Variants in RBFOX1 observed in about 807,000 individuals in gnomAD.
The protein encoded by RBFOX1 is RNA binding protein fox-1 homolog 1.
In RBFOX1, 8 loss-of-function variants were observed where a neutral mutation model predicts 57.7. The ratio of observed to expected loss-of-function variants is 0.14; its 90% CI spans 0.08 to 0.25. RBFOX1 has a LOEUF of 0.25. RBFOX1 is among the 10% of genes least tolerant of loss of function. The pLI, the probability that RBFOX1 is intolerant of heterozygous loss-of-function variation, is 1.00. For synonymous variants in RBFOX1, 326 were observed against 222.4 expected, an observed-to-expected ratio of 1.47 and a Z score of -4.15; for missense variants, 611 against 548.5, an observed-to-expected ratio of 1.11 and a Z score of -1.14.
chr16:7,063,737 C>A (rs972608167), intron 4 of RBFOX1, among the ~76,000 whole-genome samples: 1 of 152,196 alleles, frequency 6.6e-6, no homozygotes, highest in East Asian at 1.9e-4. Context: ...TGGGTCTGCA[C>A]GGAACATGTG....
rs879898472 is a variant in RBFOX1, at chr16:7,460,370, A to AATATATATATATATATATATATAT, written c.28-57757_28-57756insATATATATATATATATATATATAT. Reference sequence around the variant, plus strand: ...ATGATTTGCCTTAATCATTTAGCAAAATATATATATATATATATATGTGTG... The same window carrying AATATATATATATATATATATATAT: ...ATGATTTGCCTTAATCATTTAGCAAAATATATATATATATATATATATATATATATATATATATATATATGTGTG... On this transcript the variant is annotated intron_variant, in intron 4 of 15. Transcript: ENST00000550418. Among the ~76,000 whole-genome samples, 112 of 75,778 alleles carry AATATATATATATATATATATATAT rather than the reference A, an allele frequency of 1.5e-3. 2 individuals carry two copies. The highest frequency in any genetic ancestry group is 3.1e-3 in the East Asian group (6 of 1,962). 49.7% of individuals were successfully genotyped at this position (75,778 alleles called of 152,430 possible).
chr16:6,431,904 TC>T (rs1446644235), intron 2 of RBFOX1, among the ~76,000 whole-genome samples: 3 of 83,488 alleles, frequency 3.6e-5, no homozygotes, highest in Admixed American at 1.2e-4. Context: ...TTGCTTTCTT[TC>T]TTTCTTTCTT....
chr16:6,606,380 G>A (rs999917935), intron 2 of RBFOX1, among the ~76,000 whole-genome samples: 31 of 152,258 alleles, frequency 2.0e-4, no homozygotes, highest in African/African-American at 6.3e-4. Flanking sequence ...AAAATTTTAT[G>A]TTCTGGGGTA....
intron 3 of RBFOX1, among the ~76,000 whole-genome samples, chr16:5,667,863 G>C (rs368139303): frequency 6.6e-6 from 1 of 152,182 alleles, no homozygotes; most frequent in Non-Finnish European, 1.5e-5. Flanking sequence ...GTGAAGTGGG[G>C]ATGAGCTTAT....
intron 11 of RBFOX1, among the ~76,000 whole-genome samples, chr16:7,650,136 A>G (rs2064698389): frequency 1.3e-5 from 2 of 152,146 alleles, no homozygotes; most frequent in South Asian, 4.2e-4. Flanking sequence ...AATGTAAGAA[A>G]GAAAGGAATG....
chr16:7,528,548 G>T (rs886214803), intron 5 of RBFOX1, among the ~76,000 whole-genome samples: 11 of 152,094 alleles, frequency 7.2e-5, no homozygotes, highest in Non-Finnish European at 1.5e-5. Flanking sequence ...CACCATCTTA[G>T]TTCACTGCAG....
intron 1 of RBFOX1, among the ~76,000 whole-genome samples, chr16:5,358,330 G>T (rs2065450945): frequency 7.1e-6 from 1 of 139,912 alleles, no homozygotes; most frequent in Non-Finnish European, 1.5e-5. Context: ...ATCTTTTTAT[G>T]CCTGCATATT....
downstream of RBFOX1, among the ~76,000 whole-genome samples, chr16:5,602,490 G>C (rs887720792): frequency 8.5e-5 from 13 of 152,136 alleles, no homozygotes; most frequent in African/African-American, 3.1e-4. Flanking sequence ...TTTGTGGTGA[G>C]GATTTATGTT....
intron 2 of RBFOX1, among the ~76,000 whole-genome samples, chr16:6,513,498 T>C (rs3095265): frequency 0.84 from 128,108 of 152,090 alleles, 54,704 homozygotes; most frequent in Non-Finnish European, 0.92. Context: ...CTTTGGGAGG[T>C]CGAGGCAGGC....
At chr16:5,746,468 C>G (rs1261756703) in intron 3 of RBFOX1, among the ~76,000 whole-genome samples, 1 of 152,178 alleles carries the variant, frequency 6.6e-6, no homozygotes, top group Non-Finnish European at 1.5e-5. Context: ...TTTTCCAATT[C>G]TGTGAAGAAA....
intron 1 of RBFOX1, among the ~76,000 whole-genome samples, chr16:5,250,079 A>C (rs573547995): frequency 1.3e-5 from 2 of 151,674 alleles, no homozygotes; most frequent in African/African-American, 4.8e-5. Flanking sequence ...CAGTGAGCCG[A>C]GATTGTGTCC....
At chr16:6,827,203 T>A (rs950496480) in intron 3 of RBFOX1, among the ~76,000 whole-genome samples, 2 of 31,638 alleles carry the variant, frequency 6.3e-5, no homozygotes, top group Admixed American at 3.9e-4. Flanking sequence ...TAGAGGTGTG[T>A]TTTTTTTTTT....
chr16:6,057,635 A>G (rs1030134227), intron 1 of RBFOX1, among the ~76,000 whole-genome samples: 2 of 152,084 alleles, frequency 1.3e-5, no homozygotes, highest in African/African-American at 4.8e-5. Context: ...AAGGATGTAT[A>G]TTGTTTCTCT....
At chr16:7,416,127 C>A (rs1252943666) in intron 4 of RBFOX1, among the ~76,000 whole-genome samples, 1 of 152,148 alleles carries the variant, frequency 6.6e-6, no homozygotes, top group Non-Finnish European at 1.5e-5. Flanking sequence ...TTTTGTATTC[C>A]ATGGAGCTGT....
chr16:7,602,463 T>C (rs986981345), intron 9 of RBFOX1, among the ~76,000 whole-genome samples: 49 of 152,302 alleles, frequency 3.2e-4, no homozygotes, highest in South Asian at 8.3e-4. Context: ...TTCAGTTTAA[T>C]GTCCTTGATC....
chr16:6,474,347 A>G (rs1250157584), intron 2 of RBFOX1, among the ~76,000 whole-genome samples: 1 of 152,212 alleles, frequency 6.6e-6, no homozygotes, highest in African/African-American at 2.4e-5. Flanking sequence ...GCTATAACAC[A>G]GTGAAGAGGA....
At chr16:7,055,706 T>A (rs1371858255) in intron 4 of RBFOX1, among the ~76,000 whole-genome samples, 1 of 152,220 alleles carries the variant, frequency 6.6e-6, no homozygotes, top group African/African-American at 2.4e-5. Context: ...ATGATTCATT[T>A]GCAGCATCAG....
At position 7,497,601 on chromosome 16, in the gene RBFOX1, T is replaced by G. The variant is rs1324139592; in HGVS notation, c.28-20546T>G. On this transcript the variant is annotated intron_variant, in intron 4 of 15. Coordinates refer to ENST00000550418, the MANE Select transcript of RBFOX1 (RefSeq NM_018723.4). The stretch of plus-strand genomic sequence containing the variant: ...TATTAATGCAAAAACAAATGCTTAT[T>G]GTGAACCTACTGGGGACCAGACACA... 2.6e-5 allele frequency among the ~76,000 whole-genome samples: 4 copies of G among 152,236 alleles called. No homozygotes were observed. In the East Asian group the frequency reaches 7.7e-4, roughly 29 times the overall value.
At chr16:6,681,388 G>A (rs966173515) in intron 3 of RBFOX1, among the ~76,000 whole-genome samples, 1 of 152,166 alleles carries the variant, frequency 6.6e-6, no homozygotes, top group Admixed American at 6.5e-5. Context: ...AAAAAGTTTG[G>A]TATCTTGGTA....
Sources: gnomAD v4.1 joint callset for allele counts (sites outside exome capture counted in the v4.1 genomes callset) on GRCh38, gnomAD v4.1.1 for gene constraint, MANE v1.5 for transcripts, NCBI Gene and HGNC (gene_info 2026-07-23, HGNC 2026-07-21) for gene names.